Variants in OXCT1 observed in about 807,000 individuals in gnomAD.
OXCT1 encodes the protein 3-oxoacid CoA-transferase 1, also known as succinyl-CoA:3-ketoacid coenzyme A transferase 1, mitochondrial.
Under a neutral mutation model 69.6 loss-of-function variants are expected in OXCT1, and 27 were observed. The ratio of observed to expected loss-of-function variants is 0.39; its 90% CI spans 0.29 to 0.54. The LOEUF is 0.54. Ranked by LOEUF, OXCT1 falls within the 20% of genes least tolerant of loss-of-function variation. The probability of loss-of-function intolerance (pLI) is 0.72; values close to 1 mark genes in which losing one functional copy is unlikely to be tolerated. For synonymous variants in OXCT1, 202 were observed against 217.8 expected, an observed-to-expected ratio of 0.93 and a Z score of 0.64; for missense variants, 437 against 650.2, an observed-to-expected ratio of 0.67 and a Z score of 3.57.
chr5:41,794,285 T>G, intron 12 of OXCT1: 1 of 618,692 alleles, frequency 1.6e-6, no homozygotes, highest in Non-Finnish European at 2.9e-6. Flanking sequence ...GTATACATTG[T>G]TTCAATAACA....
intron 5 of OXCT1, among the ~76,000 whole-genome samples, chr5:41,845,120 C>T (rs908486513): frequency 2.6e-5 from 4 of 152,162 alleles, no homozygotes; most frequent in African/African-American, 9.7e-5. Context: ...ATCCTTATCA[C>T]TCTCTGCCTC....
intron 13 of OXCT1, among the ~76,000 whole-genome samples, chr5:41,773,091 G>A (rs1016887204): frequency 6.6e-6 from 1 of 152,142 alleles, no homozygotes; most frequent in Admixed American, 6.5e-5. Context: ...GACTTTGGGC[G>A]ATTTGCCACA....
At chr5:41,798,967 T>C (rs1746303650) in intron 11 of OXCT1, among the ~76,000 whole-genome samples, 1 of 152,194 alleles carries the variant, frequency 6.6e-6, no homozygotes, top group Admixed American at 6.5e-5. Flanking sequence ...TGGACCTCAG[T>C]TTCCCAATTT....
intron 2 of OXCT1, among the ~76,000 whole-genome samples, chr5:41,861,659 G>A (rs1749745702): frequency 6.6e-6 from 1 of 152,134 alleles, no homozygotes; most frequent in Non-Finnish European, 1.5e-5. Flanking sequence ...AGTTTATATG[G>A]CTACTCATTC....
chr5:41,823,827 A>G lies in OXCT1; in HGVS notation c.733-16389T>C, dbSNP rs140626927. ...CATTTTCAATTGGGGGGAAAAAAAC[A>G]TTCTGTCTTCCTAAATGTGAAGGTT... On this transcript the variant is annotated intron_variant, in intron 7 of 16. Transcript: ENST00000196371. Among the ~76,000 whole-genome samples the G allele has an allele frequency of 1.8e-3, 278 of 152,288 alleles. 4 individuals carry two copies. The highest frequency in any genetic ancestry group is 6.3e-3 in the African/African-American group (260 of 41,570).
intron 3 of OXCT1, among the ~76,000 whole-genome samples, chr5:41,859,678 C>T (rs1368899811): frequency 1.3e-5 from 2 of 151,808 alleles, no homozygotes; most frequent in Non-Finnish European, 2.9e-5. Flanking sequence ...CCATAATCAG[C>T]TCATGGCCTA....
At position 41,731,220 on chromosome 5, in the gene OXCT1, A is replaced by C; in HGVS notation, c.*509T>G. On this transcript the variant is annotated 3_prime_UTR_variant, in exon 17 of 17. Coordinates refer to ENST00000196371, the MANE Select transcript of OXCT1 (RefSeq NM_000436.4). Reference sequence around the variant, plus strand: ...TCTTGGGCATCTGTTTAAAAGCAGTATGGGAGGAAGGGGGATGTTCTAGGG... The same window carrying C: ...TCTTGGGCATCTGTTTAAAAGCAGTCTGGGAGGAAGGGGGATGTTCTAGGG... 4.6e-6 allele frequency: 1 copy of C among 215,708 alleles called. No individual in the cohort carries two copies. Among genetic ancestry groups the C allele is most frequent in the South Asian group, 1.4e-4 (1 of 7,216 alleles). 13.4% of individuals were successfully genotyped at this position (215,708 alleles called of 1,614,324 possible).
chr5:41,743,981 A>G (rs566435414), intron 15 of OXCT1, among the ~76,000 whole-genome samples: 17 of 152,170 alleles, frequency 1.1e-4, no homozygotes, highest in African/African-American at 3.6e-4. Flanking sequence ...TTGGTTCCAT[A>G]TGAACTTTAA....
chr5:41,739,760 A>G lies in OXCT1; in HGVS notation c.1420-269T>C, dbSNP rs181734933. 1,028 of 363,486 alleles carry G rather than the reference A, an allele frequency of 2.8e-3. 10 individuals carry two copies. Among genetic ancestry groups the G allele is most frequent in the African/African-American group, 0.02 (959 of 47,148 alleles). The allele number at this position is 363,486 out of a possible 1,614,324, so 22.5% of individuals were successfully genotyped here. A position where few individuals can be genotyped will look rare whatever the true frequency, so the allele number is the denominator to read the frequency against. On this transcript the variant is annotated intron_variant, in intron 15 of 16. Transcript: ENST00000196371. ...GTGGCAGGCACCTGTAGTCCCAGCT[A>G]CTTGGGAGGCTGAGGCAGGAGAATG...
rs944955461 is a variant in OXCT1 at position 41,870,408 on chromosome 5, G to A, written c.-50C>T. ...GCTGCGGGTTGGAGCGCGCGTTTGA[G>A]CGTCGGTGCGCGACTGCGAAGGAAA... On this transcript the variant is annotated 5_prime_UTR_variant, in exon 1 of 17. Transcript: ENST00000196371. The surrounding 1 kb of genome is among the most constrained non-coding windows in gnomAD (Gnocchi z 4.2). The A allele has an allele frequency of 1.4e-6, 2 of 1,391,062 alleles. No individual in the cohort carries two copies. The highest frequency in any genetic ancestry group is 1.4e-5 in the African/African-American group (1 of 70,516). 86.2% of individuals were successfully genotyped at this position (1,391,062 alleles called of 1,614,324 possible). A position where few individuals can be genotyped will look rare whatever the true frequency, so the allele number is the denominator to read the frequency against.
At chr5:41,818,753 T>C (rs1463504329) in intron 7 of OXCT1, among the ~76,000 whole-genome samples, 2 of 152,090 alleles carry the variant, frequency 1.3e-5, no homozygotes, top group Non-Finnish European at 2.9e-5. Flanking sequence ...ACTACACTAA[T>C]ACATGGAAAA....
chr5:41,852,261 T>C (rs1192323830), intron 4 of OXCT1, among the ~76,000 whole-genome samples: 1 of 152,186 alleles, frequency 6.6e-6, no homozygotes, highest in African/African-American at 2.4e-5. Context: ...CCCAGTGCAA[T>C]GCTATGGTAT....
At chr5:41,825,110 T>C (rs138104390) in intron 7 of OXCT1, among the ~76,000 whole-genome samples, 2,557 of 152,236 alleles carry the variant, frequency 0.017, 19 homozygotes, top group Non-Finnish European at 0.025. Flanking sequence ...TTTCCTCAGG[T>C]AGGATTTGTA....
At chr5:41,746,509 T>C (rs989448315) in intron 15 of OXCT1, among the ~76,000 whole-genome samples, 1 of 152,118 alleles carries the variant, frequency 6.6e-6, no homozygotes, top group Admixed American at 6.6e-5. Flanking sequence ...GAGCACCTAC[T>C]ATGCACAGAG....
At chr5:41,822,812 C>A (rs1035006914) in intron 7 of OXCT1, among the ~76,000 whole-genome samples, 1 of 152,118 alleles carries the variant, frequency 6.6e-6, no homozygotes, top group Non-Finnish European at 1.5e-5. Context: ...TTTTTACATT[C>A]ATCTCTTTAC....
At chr5:41,837,321 C>T (rs929416646) in intron 7 of OXCT1, among the ~76,000 whole-genome samples, 2 of 151,416 alleles carry the variant, frequency 1.3e-5, no homozygotes, top group Admixed American at 1.3e-4. Flanking sequence ...AAAAAAGACG[C>T]CGTTGACTAT....
chr5:41,785,916 G>A (rs568924782), intron 13 of OXCT1, among the ~76,000 whole-genome samples: 20 of 152,290 alleles, frequency 1.3e-4, no homozygotes, highest in African/African-American at 4.8e-4. Context: ...GATGGGGAGT[G>A]CAGATAGGGA....
Position 41,870,225 on chromosome 5 carries a change from C to G in OXCT1, c.78+56G>C. 1 of 1,382,514 alleles carries G rather than the reference C, an allele frequency of 7.2e-7. No homozygotes were observed. The highest frequency in any genetic ancestry group is 1.2e-5 in the South Asian group (1 of 85,640). The allele number at this position is 1,382,514 out of a possible 1,614,324, so 85.6% of individuals were successfully genotyped here. A position where few individuals can be genotyped will look rare whatever the true frequency, so the allele number is the denominator to read the frequency against. ...CAGAGAAGAAAACGCGGGCACCACT[C>G]AGGGTTTGGTCCACGTTCTTCCTGC... is the stretch of plus-strand genomic sequence containing the variant. On this transcript the variant is annotated intron_variant, in intron 1 of 16. Transcript: ENST00000196371. This position sits in a 1 kb window ranked among gnomAD's most constrained non-coding sequence, Gnocchi z 4.2.
intron 9 of OXCT1, 128 bp from the exon 10 acceptor site, chr5:41,803,291 T>C (rs941137596): frequency 1.5e-6 from 1 of 648,806 alleles, no homozygotes; most frequent in African/African-American, 1.8e-5. Context: ...AATAAATGAA[T>C]ATATTCTCCA....
Sources: allele counts gnomAD v4.1 joint callset (sites outside exome capture counted in the v4.1 genomes callset), GRCh38; gene constraint gnomAD v4.1.1; non-coding constraint Gnocchi (gnomAD v3.1); transcripts MANE v1.5; gene names NCBI Gene and HGNC (gene_info 2026-07-23, HGNC 2026-07-21).